Variants in DPY19L2 observed in about 807,000 individuals in gnomAD.
DPY19L2 encodes dpy-19 like 2.
Under a neutral mutation model 97.9 loss-of-function variants are expected in DPY19L2, and 34 were observed. That is an observed-to-expected ratio of 0.35 (90% CI 0.26 to 0.46). The LOEUF (loss-of-function observed/expected upper bound fraction) is 0.46, where lower values mean the gene tolerates loss of function less well. DPY19L2 is among the 20% of genes least tolerant of loss of function. The pLI, the probability that DPY19L2 is intolerant of heterozygous loss-of-function variation, is 1.00. For missense variants in DPY19L2, 623 were observed against 911.4 expected (o/e 0.68, Z 4.07); for synonymous variants, 230 against 307.9 (o/e 0.75, Z 2.65).
chr12:63,593,690 A>G (rs1483578825), intron 16 of DPY19L2, among the ~76,000 whole-genome samples: 1 of 152,108 alleles, frequency 6.6e-6, no homozygotes, highest in Admixed American at 6.5e-5. Flanking sequence ...ACCTAATGCT[A>G]AATGACAAGT....
chr12:63,628,516 G>T (rs1565795527), intron 6 of DPY19L2, among the ~76,000 whole-genome samples: 1 of 152,118 alleles, frequency 6.6e-6, no homozygotes, highest in Non-Finnish European at 1.5e-5. Flanking sequence ...GCGAGGATGG[G>T]GGAGGGGCAC....
chr12:63,576,824 A>G (rs1879929016), intron 19 of DPY19L2, among the ~76,000 whole-genome samples: 1 of 152,082 alleles, frequency 6.6e-6, no homozygotes, highest in South Asian at 2.1e-4. Context: ...ATGTTCAAGC[A>G]TTGGAAGAAT....
intron 8 of DPY19L2, among the ~76,000 whole-genome samples, chr12:63,622,404 G>C (rs542193320): frequency 3.2e-4 from 49 of 152,258 alleles, no homozygotes; most frequent in African/African-American, 1.2e-3. Context: ...TGAATGAGGA[G>C]GAGGTTCCTA....
At chr12:63,643,433 A>G (rs989320178) in intron 6 of DPY19L2, among the ~76,000 whole-genome samples, 9 of 152,178 alleles carry the variant, frequency 5.9e-5, no homozygotes, top group African/African-American at 1.7e-4. Context: ...ATATTTGTTG[A>G]AAGACTAAAG....
intron 1 of DPY19L2, among the ~76,000 whole-genome samples, chr12:63,667,556 A>T (rs970651829): frequency 3.3e-5 from 5 of 152,146 alleles, no homozygotes; most frequent in African/African-American, 9.7e-5. Flanking sequence ...CTCATACTTC[A>T]CTGAAACAAA....
chr12:63,564,480 C>T (rs1329475481), intron 21 of DPY19L2, among the ~76,000 whole-genome samples: 1 of 152,084 alleles, frequency 6.6e-6, no homozygotes, highest in Non-Finnish European at 1.5e-5. Flanking sequence ...TTTGTTTCTT[C>T]TTGACCATGG....
chr12:63,609,979 C>T (rs1592556542), intron 11 of DPY19L2, among the ~76,000 whole-genome samples: 1 of 151,558 alleles, frequency 6.6e-6, no homozygotes, highest in African/African-American at 2.4e-5. Context: ...AACCTAAATG[C>T]CCAGACATAG....
intron 11 of DPY19L2, among the ~76,000 whole-genome samples, chr12:63,611,884 A>T (rs1785134352): frequency 6.6e-6 from 1 of 152,072 alleles, no homozygotes; most frequent in African/African-American, 2.4e-5. Flanking sequence ...ATTTTTCCAA[A>T]TTTGATAAAA....
At chr12:63,594,597 G>A (rs187629511) in intron 15 of DPY19L2, among the ~76,000 whole-genome samples, 55 of 150,522 alleles carry the variant, frequency 3.7e-4, no homozygotes, top group Admixed American at 6.6e-4. Context: ...GTGTGTGTGC[G>A]TGCACGTGTG....
At chr12:63,609,557 A>T (rs1421111769) in intron 11 of DPY19L2, among the ~76,000 whole-genome samples, 4 of 152,102 alleles carry the variant, frequency 2.6e-5, no homozygotes, top group Admixed American at 2.0e-4. Flanking sequence ...TGCAAACCAC[A>T]AAAAGGGCTT....
chr12:63,571,354 C>T (rs148110536), intron 19 of DPY19L2, among the ~76,000 whole-genome samples: 1 of 152,278 alleles, frequency 6.6e-6, no homozygotes, highest in Non-Finnish European at 1.5e-5. Flanking sequence ...GTGACTTGCC[C>T]AAGACTGTAC....
intron 12 of DPY19L2, among the ~76,000 whole-genome samples, chr12:63,603,763 G>A (rs1885578673): frequency 6.6e-6 from 1 of 152,018 alleles, no homozygotes; most frequent in Non-Finnish European, 1.5e-5. Flanking sequence ...TCTTTATCCA[G>A]TCTATCATTC....
intron 6 of DPY19L2, 102 bp downstream of exon 6, chr12:63,644,301 T>C: frequency 6.3e-6 from 9 of 1,432,454 alleles, no homozygotes; most frequent in Non-Finnish European, 8.3e-6. Context: ...ACTTTCCTGA[T>C]ATGAATCTAA....
At chr12:63,630,506 A>T (rs1367426824) in intron 6 of DPY19L2, among the ~76,000 whole-genome samples, 1 of 152,190 alleles carries the variant, frequency 6.6e-6, no homozygotes, top group Non-Finnish European at 1.5e-5. Flanking sequence ...CAATTCAACA[A>T]GAAGAGCTAA....
chr12:63,652,185 T>C (rs1291338371), intron 4 of DPY19L2, among the ~76,000 whole-genome samples: 4 of 152,032 alleles, frequency 2.6e-5, no homozygotes, highest in African/African-American at 9.7e-5. Context: ...TATGAAAAAG[T>C]GTTCAACATC....
intron 13 of DPY19L2, among the ~76,000 whole-genome samples, chr12:63,599,627 T>C (rs1884814660): frequency 6.6e-6 from 1 of 152,164 alleles, no homozygotes; most frequent in South Asian, 2.1e-4. Context: ...TTATATGATA[T>C]ACTCATGTAT....
chr12:63,608,261 A>G (rs2137647158), intron 12 of DPY19L2, among the ~76,000 whole-genome samples: 1 of 152,318 alleles, frequency 6.6e-6, no homozygotes, highest in African/African-American at 2.4e-5. Flanking sequence ...GCTGGCAAGA[A>G]ACTACAAACT....
In DPY19L2 at chr12:63,664,306, C is replaced by T. The variant is rs1299745883; in HGVS notation, c.363-461G>A. 2.0e-5 allele frequency among the ~76,000 whole-genome samples: 3 copies of T among 151,800 alleles called. No homozygotes were observed. In the East Asian group the frequency reaches 5.8e-4, roughly 29 times the overall value. ...AAGCAGAGATCATGCCACTGCACTC[C>T]AGCCTGGGCGACAGAGTGAGACTCT... is the stretch of plus-strand genomic sequence containing the variant. On this transcript the variant is annotated intron_variant, in intron 2 of 21. Coordinates refer to ENST00000324472, the MANE Select transcript of DPY19L2 (RefSeq NM_173812.5).
intron 9 of DPY19L2, among the ~76,000 whole-genome samples, chr12:63,620,774 C>T (rs545821158): frequency 1.3e-5 from 2 of 152,242 alleles, no homozygotes; most frequent in South Asian, 4.1e-4. Flanking sequence ...TTCATTGCAG[C>T]ACTATTCACA....
Sources: gnomAD v4.1 joint callset for allele counts (sites outside exome capture counted in the v4.1 genomes callset) on GRCh38, gnomAD v4.1.1 for gene constraint, MANE v1.5 for transcripts, NCBI Gene and HGNC (gene_info 2026-07-23, HGNC 2026-07-21) for gene names.